PKP2: variants seen among roughly 807,000 people sequenced by gnomAD.
The protein encoded by PKP2 is plakophilin-2.
In PKP2, 73 loss-of-function variants were observed where a neutral mutation model predicts 83.4. The ratio of observed to expected loss-of-function variants is 0.88; its 90% CI spans 0.72 to 1.06. PKP2 has a LOEUF of 1.06. Among genes scored for constraint, PKP2 ranks in the 50% least tolerant of loss-of-function variants. PKP2 has a pLI of 0.00. For synonymous variants in PKP2, 409 were observed against 430.4 expected, an observed-to-expected ratio of 0.95 and a Z score of 0.62; for missense variants, 966 against 1,065.4, an observed-to-expected ratio of 0.91 and a Z score of 1.30.
Position 32,877,977 on chromosome 12 carries a change from C to T in PKP2, c.903G>A (p.Leu301=), listed in dbSNP as rs934225556. The T allele has an allele frequency of 6.2e-7, 1 of 1,614,016 alleles. No homozygotes were observed. Among genetic ancestry groups the T allele is most frequent in the African/African-American group, 1.3e-5 (1 of 74,936 alleles). The change falls in exon 3 of 13, where the codon CTG becomes CTA. Residue 301 remains leucine (L), a synonymous_variant. Coordinates refer to ENST00000340811, the MANE Select transcript of PKP2 (RefSeq NM_001005242.3). ...HQSSFHSTRT[L]REAGPSVAVD... ...CGGCGACACTGGGCCCAGCTTCCCT[C>T]AGCGTGCGGGTGCTGTGGAAGGAGC...
intron 9 of PKP2, among the ~76,000 whole-genome samples, chr12:32,812,960 G>A (rs1956289714): frequency 6.6e-6 from 1 of 152,170 alleles, no homozygotes; most frequent in Non-Finnish European, 1.5e-5. Context: ...GGTTGTAGCT[G>A]TAAACTATCG....
At chr12:32,886,247 T>C (rs2137977080) in intron 1 of PKP2, among the ~76,000 whole-genome samples, 1 of 152,364 alleles carries the variant, frequency 6.6e-6, no homozygotes, top group South Asian at 2.1e-4. Flanking sequence ...CAGTAATCTC[T>C]GGCTTGCAAC....
At position 32,869,029 on chromosome 12, in the gene PKP2, T is replaced by C; in HGVS notation, c.1068A>G (p.Ala356=). 1 of 1,614,048 alleles carries C rather than the reference T, an allele frequency of 6.2e-7. No individual in the cohort carries two copies. Among genetic ancestry groups the C allele is most frequent in the Non-Finnish European group, 8.5e-7 (1 of 1,180,016 alleles). ...TGTGGTCTGCCTCGAGCATACTCAC[T>C]GCTCGCTCCAGAGTCATCTCCATGT... The part of the protein sequence containing the change: ...NADMEMTLER[A]VSMLEADHML... The change falls in exon 4 of 13, where the codon GCA becomes GCG. Residue 356 remains alanine, a synonymous_variant. Transcript: ENST00000340811.
chr12:32,829,814 C>T (rs1463763727), intron 6 of PKP2, among the ~76,000 whole-genome samples: 5 of 152,258 alleles, frequency 3.3e-5, no homozygotes, highest in African/African-American at 9.6e-5. Context: ...GTGTGTGCCA[C>T]TGCGCCCAGC....
chr12:32,805,857 C>G (rs1290633680), intron 9 of PKP2, among the ~76,000 whole-genome samples: 1 of 152,100 alleles, frequency 6.6e-6, no homozygotes, highest in African/African-American at 2.4e-5. Context: ...CAATGGTAGT[C>G]TAACGGGGAT....
At chr12:32,806,686 T>TTG (rs140484431) in intron 9 of PKP2, among the ~76,000 whole-genome samples, 85 of 149,712 alleles carry the variant, frequency 5.7e-4, no homozygotes, top group East Asian at 1.2e-3. Context: ...TTTGAAGGGT[T>TTG]TGTGTGTGTG....
chr12:32,874,734 C>T (rs1956918847), intron 3 of PKP2, among the ~76,000 whole-genome samples: 2 of 152,140 alleles, frequency 1.3e-5, no homozygotes, highest in Non-Finnish European at 2.9e-5. Flanking sequence ...AATTCCTTCA[C>T]TCTTTCACCA....
intron 10 of PKP2, among the ~76,000 whole-genome samples, chr12:32,799,496 G>A (rs1956159991): frequency 6.6e-6 from 1 of 152,172 alleles, no homozygotes; most frequent in African/African-American, 2.4e-5. Context: ...CATGTTTATA[G>A]CAGCACAATT....
At chr12:32,873,253 C>A (rs572526120) in intron 3 of PKP2, among the ~76,000 whole-genome samples, 2 of 152,122 alleles carry the variant, frequency 1.3e-5, no homozygotes, top group South Asian at 4.2e-4. Context: ...GCATGCACCA[C>A]CATGCCCAGC....
chr12:32,828,347 G>C (rs1186097408), intron 6 of PKP2, among the ~76,000 whole-genome samples: 1 of 152,130 alleles, frequency 6.6e-6, no homozygotes, highest in Non-Finnish European at 1.5e-5. Context: ...GACCTTGATA[G>C]AATTAAAAGA....
At chr12:32,863,251 GTATACAA>G (rs1416480027) in intron 4 of PKP2, 1 of 253,004 alleles carries the variant, frequency 4.0e-6, no homozygotes, top group Non-Finnish European at 8.5e-6. Flanking sequence ...ATGTCCTTAT[GTATACAA>G]AGCAAAGAAC....
intron 3 of PKP2, among the ~76,000 whole-genome samples, chr12:32,877,098 G>A (rs567106552): frequency 6.6e-6 from 1 of 152,224 alleles, no homozygotes; most frequent in East Asian, 1.9e-4. Flanking sequence ...TAATGTTTTA[G>A]CCTAATGATG....
chr12:32,809,342 C>T (rs1799260339), intron 9 of PKP2, among the ~76,000 whole-genome samples: 1 of 152,202 alleles, frequency 6.6e-6, no homozygotes, highest in Non-Finnish European at 1.5e-5. Flanking sequence ...GGTATCCCTT[C>T]CTCATCTGGA....
chr12:32,875,950 A>T (rs1181370176), intron 3 of PKP2, among the ~76,000 whole-genome samples: 1 of 152,238 alleles, frequency 6.6e-6, no homozygotes, highest in East Asian at 1.9e-4. Flanking sequence ...TAAGGATAAA[A>T]GTGAGGTACA....
At chr12:32,801,987 A>G (rs542903310) in intron 10 of PKP2, among the ~76,000 whole-genome samples, 2 of 152,304 alleles carry the variant, frequency 1.3e-5, no homozygotes, top group East Asian at 1.9e-4. Flanking sequence ...AACCACCACT[A>G]TATGTGTTTT....
intron 1 of PKP2, among the ~76,000 whole-genome samples, chr12:32,881,156 A>T (rs189570771): frequency 3.3e-5 from 5 of 152,312 alleles, no homozygotes; most frequent in Admixed American, 3.3e-4. Context: ...TCCATCCTAA[A>T]TTATGTTTGT....
Position 32,834,976 on chromosome 12 carries a change from CGTGTGTGTGTGTGTGT to C in PKP2, c.1556+6036_1556+6051del, listed in dbSNP as rs10629969. 6.7e-5 allele frequency among the ~76,000 whole-genome samples: 8 copies of C among 119,438 alleles called. No individual in the cohort carries two copies. The East Asian group carries it at 7.2e-4, about 11-fold the overall frequency. 78.4% of individuals were successfully genotyped at this position (119,438 alleles called of 152,430 possible). On this transcript the variant is annotated intron_variant, in intron 6 of 12. Coordinates refer to ENST00000340811, the MANE Select transcript of PKP2 (RefSeq NM_001005242.3). ...AAAAAAAAAAGGGACTCACAATAGG[CGTGTGTGTGTGTGTGT>C]GTGTGTGTGTGTGTGTGTGTGTCTA... is the stretch of plus-strand genomic sequence containing the variant.
At chr12:32,889,610 A>G (rs981955322) in intron 1 of PKP2, among the ~76,000 whole-genome samples, 3 of 152,210 alleles carry the variant, frequency 2.0e-5, no homozygotes, top group African/African-American at 7.2e-5. Flanking sequence ...TCAGGCAGGT[A>G]TGTATTCTGT....
In PKP2 at chr12:32,809,559, T is replaced by C. The variant is rs556398542; in HGVS notation, c.2014-7003A>G. On this transcript the variant is annotated intron_variant, in intron 9 of 12. Transcript: ENST00000340811. ...TGCAGAACAATGCTGCTTGGCTCCC[T>C]GGATTCAGCCCCCTTCCTAGGGGAA... Among the ~76,000 whole-genome samples the C allele has an allele frequency of 2.0e-5, 3 of 152,340 alleles. No homozygotes were observed. The East Asian group carries it at 5.8e-4, about 29-fold the overall frequency.
Sources: gnomAD v4.1 joint callset for allele counts (sites outside exome capture counted in the v4.1 genomes callset) on GRCh38, gnomAD v4.1.1 for gene constraint, MANE v1.5 for transcripts, NCBI Gene and HGNC (gene_info 2026-07-23, HGNC 2026-07-21) for gene names.